ANKRD1: variants seen among roughly 807,000 people sequenced by gnomAD.
ANKRD1 encodes the protein ankyrin repeat domain-containing protein 1.
Under a neutral mutation model 40.1 loss-of-function variants are expected in ANKRD1, and 32 were observed. The ratio of observed to expected loss-of-function variants is 0.80; its 90% CI spans 0.60 to 1.07. The LOEUF (loss-of-function observed/expected upper bound fraction) is 1.07. Among genes scored for constraint, ANKRD1 ranks in the 50% least tolerant of loss-of-function variants. The pLI, the probability that ANKRD1 is intolerant of heterozygous loss-of-function variation, is 0.00. For missense variants in ANKRD1, 359 were observed against 386.0 expected (o/e 0.93, Z 0.59); for synonymous variants, 149 against 141.2 (o/e 1.06, Z -0.39).
chr10:90,920,491 G>T, intron 1 of ANKRD1, 143 bp from the exon 2 acceptor site: 1 of 839,392 alleles, frequency 1.2e-6, no homozygotes, highest in Non-Finnish European at 2.0e-6. Flanking sequence ...CTCAAGCTGC[G>T]ATGCACACTG....
At position 90,919,111 on chromosome 10, in the gene ANKRD1, A is replaced by G. The variant is rs1193154460; in HGVS notation, c.345+20T>C. On this transcript the variant is annotated intron_variant, in intron 3 of 8. Coordinates refer to ENST00000371697, the MANE Select transcript of ANKRD1 (RefSeq NM_014391.3). ...CAACACTGGACATGTATTACTGGAA[A>G]CCAAAAAAAAAGCCCTTACAATGAT... 1.2e-6 allele frequency: 2 copies of G among 1,612,260 alleles called. No individual in the cohort carries two copies. The highest frequency in any genetic ancestry group is 2.2e-5 in the East Asian group (1 of 44,766).
intron 3 of ANKRD1, 38 bp from the exon 4 acceptor site, chr10:90,919,010 A>G (rs765333370): frequency 6.9e-7 from 1 of 1,444,648 alleles, no homozygotes; most frequent in Non-Finnish European, 9.4e-7. Flanking sequence ...ATATATATAT[A>G]TATATAGCAT....
chr10:90,920,150 T>C lies in ANKRD1; in HGVS notation c.207+19A>G, dbSNP rs1847419529. On this transcript the variant is annotated intron_variant, in intron 2 of 8. Coordinates refer to ENST00000371697, the MANE Select transcript of ANKRD1 (RefSeq NM_014391.3). Reference sequence around the variant, plus strand: ...CCAGCCCCAACATCCTACTAGTGGATTCCACAGATGGCTCTCACCTCTGCC... The same window carrying C: ...CCAGCCCCAACATCCTACTAGTGGACTCCACAGATGGCTCTCACCTCTGCC... 6.2e-7 allele frequency: 1 copy of C among 1,612,806 alleles called. No individual in the cohort carries two copies. The highest frequency in any genetic ancestry group is 1.1e-5 in the South Asian group (1 of 91,018).
intron 8 of ANKRD1, among the ~76,000 whole-genome samples, chr10:90,914,765 T>G (rs1458265955): frequency 7.5e-6 from 1 of 132,500 alleles, no homozygotes; most frequent in Non-Finnish European, 1.6e-5. Context: ...TTCAAAAGCT[T>G]CTTTAAAATT....
chr10:90,919,284 G>A lies in ANKRD1; in HGVS notation c.208-16C>T, dbSNP rs79793575. ...TCTTTTTGAGCTAAAAAAGAAATTC[G>A]TATTTCAAAAATATGGTGAGTTCTA... On this transcript the variant is annotated splice_polypyrimidine_tract_variant and intron_variant, in intron 2 of 8. Transcript: ENST00000371697. 2,616 of 1,593,276 alleles carry A rather than the reference G, an allele frequency of 1.6e-3. 74 individuals carry two copies. In the East Asian group the frequency reaches 0.048, roughly 29 times the overall value.
At chr10:90,917,865 TA>T in intron 4 of ANKRD1, 35 bp from the exon 5 acceptor site, 1 of 1,556,112 alleles carries the variant, frequency 6.4e-7, no homozygotes, top group Non-Finnish European at 8.9e-7. Context: ...GAGATAGCAA[TA>T]AATATAAAAA....
intron 6 of ANKRD1, 120 bp from the exon 7 acceptor site, chr10:90,916,000 C>T: frequency 3.5e-6 from 3 of 860,534 alleles, no homozygotes; most frequent in Non-Finnish European, 5.4e-6. Context: ...GCATGGGCCT[C>T]CAGATGACTT....
At chr10:90,918,532 A>C (rs1429635353) in intron 4 of ANKRD1, among the ~76,000 whole-genome samples, 1 of 151,994 alleles carries the variant, frequency 6.6e-6, no homozygotes, top group African/African-American at 2.4e-5. Flanking sequence ...GCTTGGTTTT[A>C]ATCAAAGATG....
rs1272396756 is a variant in ANKRD1 at position 90,912,290 on chromosome 10, G to A, written c.*576C>T. 1 of 15,236 alleles carries A rather than the reference G, an allele frequency of 6.6e-5. No homozygotes were observed. The highest frequency in any genetic ancestry group is 1.4e-4 in the Non-Finnish European group (1 of 7,386). 0.9% of individuals were successfully genotyped at this position (15,236 alleles called of 1,614,324 possible). On this transcript the variant is annotated 3_prime_UTR_variant, in exon 9 of 9. Coordinates refer to ENST00000371697, the MANE Select transcript of ANKRD1 (RefSeq NM_014391.3). ...TTCACTTGGGTACTCTGTGTACTCGGTAAAAAAAAAAAAAAAAAAAAAAAA... is the reference window on the plus strand; with the variant it reads ...TTCACTTGGGTACTCTGTGTACTCGATAAAAAAAAAAAAAAAAAAAAAAAA...
intron 2 of ANKRD1, 57 bp from the exon 3 acceptor site, chr10:90,919,325 G>T: frequency 5.3e-6 from 8 of 1,497,174 alleles, no homozygotes; most frequent in Non-Finnish European, 7.3e-6. Context: ...AAGCATTCTG[G>T]TTGTGTCTAA....
At chr10:90,918,005 T>C (rs1847390559) in intron 4 of ANKRD1, among the ~76,000 whole-genome samples, 175 bp from the exon 5 acceptor site, 1 of 152,222 alleles carries the variant, frequency 6.6e-6, no homozygotes, top group East Asian at 1.9e-4. Flanking sequence ...ACAATTATCC[T>C]GCAACTAATA....
In ANKRD1 at chr10:90,920,201, G is replaced by A. The variant is rs1057521825; in HGVS notation, c.175C>T (p.Gln59Ter). 6 of 1,613,950 alleles carry A rather than the reference G, an allele frequency of 3.7e-6. No homozygotes were observed. The East Asian group carries it at 1.3e-4, about 36-fold the overall frequency. The stretch of plus-strand genomic sequence containing the variant: ...TCTCGTTGTTTCTCGCTTTTCCACT[G>A]TTGCTCCCCCAGGGTCACAGGGTGG... Reference protein sequence around the residue: ...LAHPVTLGEQQWKSEKQREAE... With the variant: ...LAHPVTLGEQ Residue 59 changes from glutamine (Q) to a stop codon, truncating the protein, a stop_gained, in exon 2 of 9, where the codon CAG (glutamine) becomes TAG (stop). Transcript: ENST00000371697. LOFTEE classifies it high-confidence loss of function.
chr10:90,917,446 T>C (rs1215105041), intron 5 of ANKRD1, among the ~76,000 whole-genome samples: 2 of 152,228 alleles, frequency 1.3e-5, no homozygotes, highest in African/African-American at 4.8e-5. Flanking sequence ...AAGGCAAGTG[T>C]CGAAAATGAA....
chr10:90,916,935 C>T (rs548081205), intron 5 of ANKRD1, among the ~76,000 whole-genome samples: 100 of 152,000 alleles, frequency 6.6e-4, no homozygotes, highest in South Asian at 5.0e-3. Flanking sequence ...ACAGTTGTAA[C>T]GTGTATAGTT....
chr10:90,920,399 C>A (rs1156581071), intron 1 of ANKRD1, 51 bp from the exon 2 acceptor site: 1 of 1,605,632 alleles, frequency 6.2e-7, no homozygotes, highest in Non-Finnish European at 8.5e-7. Flanking sequence ...CGTCCTGGGT[C>A]ATTCTTCACA....
At chr10:90,916,618 A>T (rs1256470911) in intron 5 of ANKRD1, among the ~76,000 whole-genome samples, 2 of 152,196 alleles carry the variant, frequency 1.3e-5, no homozygotes, top group African/African-American at 4.8e-5. Context: ...CATTTTGCAG[A>T]TAAGAAAAAC....
intron 5 of ANKRD1, among the ~76,000 whole-genome samples, chr10:90,917,395 A>AG (rs1847383964): frequency 6.6e-6 from 1 of 152,238 alleles, no homozygotes; most frequent in African/African-American, 2.4e-5. Context: ...GCCAACCATA[A>AG]GCAGGCTGCC....
At position 90,917,790 on chromosome 10, in the gene ANKRD1, T is replaced by A; in HGVS notation, c.494A>T (p.His165Leu). The change falls in exon 5 of 9, where the codon CAT (histidine) becomes CTT (leucine). Residue 165 changes from histidine (H) to leucine (L), a missense_variant. Transcript: ENST00000371697. Reference sequence around the variant, plus strand: ...CATTAACTTCTCCACAATTGCCAAATGTCCTTCCAAGCATGCTCTATGAAG... The same window carrying A: ...CATTAACTTCTCCACAATTGCCAAAAGTCCTTCCAAGCATGCTCTATGAAG... ...TALHRACLEGHLAIVEKLMEA... is the reference protein window; with the variant it reads ...TALHRACLEGLLAIVEKLMEA... 6.2e-7 allele frequency: 1 copy of A among 1,614,072 alleles called. No individual in the cohort carries two copies. Among genetic ancestry groups the A allele is most frequent in the Non-Finnish European group, 8.5e-7 (1 of 1,179,964 alleles).
chr10:90,912,343 C>A lies in ANKRD1; in HGVS notation c.*523G>T. On this transcript the variant is annotated 3_prime_UTR_variant, in exon 9 of 9. Transcript: ENST00000371697. ...AAAATCCAGCCTGGGGGTAAAATAG[C>A]TGGCTTCACTGTCCTTTTCACAGAA... The A allele has an allele frequency of 7.8e-6, 1 of 128,588 alleles. No individual in the cohort carries two copies. Among genetic ancestry groups the A allele is most frequent in the Non-Finnish European group, 1.7e-5 (1 of 60,156 alleles). The allele number at this position is 128,588 out of a possible 1,614,324, so 8.0% of individuals were successfully genotyped here. A position where few individuals can be genotyped will look rare whatever the true frequency, so the allele number is the denominator to read the frequency against.
Sources: gnomAD v4.1 joint callset for allele counts (sites outside exome capture counted in the v4.1 genomes callset) on GRCh38, gnomAD v4.1.1 for gene constraint, MANE v1.5 for transcripts, NCBI Gene and HGNC (gene_info 2026-07-23, HGNC 2026-07-21) for gene names.